Variants in LHFPL3 observed in about 807,000 individuals in gnomAD.
The protein encoded by LHFPL3 is LHFPL tetraspan subfamily member 3.
In LHFPL3, 5 loss-of-function variants were observed where a neutral mutation model predicts 19.3. The observed-to-expected ratio is 0.26, with a 90% CI of 0.14 to 0.54. The LOEUF is 0.54. Among genes scored for constraint, LHFPL3 ranks in the 20% least tolerant of loss-of-function variants. The probability of loss-of-function intolerance (pLI) is 0.94; values close to 1 mark genes in which losing one functional copy is unlikely to be tolerated. For synonymous variants in LHFPL3, 133 were observed against 126.2 expected (o/e 1.05, Z -0.36); for missense variants, 249 against 307.4 (o/e 0.81, Z 1.42).
chr7:104,647,442 GT>G (rs1325190360), intron 1 of LHFPL3, among the ~76,000 whole-genome samples: 1 of 152,192 alleles, frequency 6.6e-6, no homozygotes, highest in East Asian at 1.9e-4. Flanking sequence ...GGGAATTTGT[GT>G]TCTACAGGCA....
Position 104,537,738 on chromosome 7 carries a change from G to A in LHFPL3, c.446-198937G>A, listed in dbSNP as rs138793250. Among the ~76,000 whole-genome samples the A allele has an allele frequency of 1.6e-3, 244 of 152,336 alleles. 1 individual carries two copies. The highest frequency in any genetic ancestry group is 3.0e-3 in the Non-Finnish European group (201 of 68,026). On this transcript the variant is annotated intron_variant, in intron 1 of 2. Transcript: ENST00000424859. ...GAACTCAGTCTTACAATAGATGAAG[G>A]ATTATCATCAATGACAGTGCTTTTG...
intron 1 of LHFPL3, among the ~76,000 whole-genome samples, chr7:104,430,399 TATATACATATATATATATAC>T (rs1562895116): frequency 5.3e-5 from 2 of 37,988 alleles, no homozygotes; most frequent in African/African-American, 2.3e-4. Flanking sequence ...TATATATATA[TATATACATATATATATATAC>T]ATATATATAT....
At chr7:104,526,729 T>C (rs1487388771) in intron 1 of LHFPL3, among the ~76,000 whole-genome samples, 1 of 152,234 alleles carries the variant, frequency 6.6e-6, no homozygotes, top group Non-Finnish European at 1.5e-5. Flanking sequence ...CTTGAAATTC[T>C]AGAAATGAGT....
chr7:104,806,554 T>G (rs770831797), intron 2 of LHFPL3, among the ~76,000 whole-genome samples: 1 of 152,292 alleles, frequency 6.6e-6, no homozygotes, highest in South Asian at 2.1e-4. Flanking sequence ...CTCTTGAGGG[T>G]TGACTAAAAT....
chr7:104,866,874 G>T (rs1157661005), intron 2 of LHFPL3, among the ~76,000 whole-genome samples: 2 of 152,154 alleles, frequency 1.3e-5, no homozygotes, highest in East Asian at 3.8e-4. Context: ...ATAATAAACT[G>T]TCTCTCAGAC....
intron 1 of LHFPL3, among the ~76,000 whole-genome samples, chr7:104,645,910 T>G (rs1791925768): frequency 6.6e-6 from 1 of 152,134 alleles, no homozygotes; most frequent in Non-Finnish European, 1.5e-5. Context: ...TCTGCCCGCC[T>G]CGGCCTCCCA....
intron 2 of LHFPL3, among the ~76,000 whole-genome samples, chr7:104,865,085 C>A (rs1219511305): frequency 6.6e-6 from 1 of 152,146 alleles, no homozygotes; most frequent in Non-Finnish European, 1.5e-5. Flanking sequence ...ACATCACCAT[C>A]ATCAAAGACC....
chr7:104,504,501 A>G (rs536465169), intron 1 of LHFPL3, among the ~76,000 whole-genome samples: 5 of 152,200 alleles, frequency 3.3e-5, no homozygotes, highest in African/African-American at 9.6e-5. Context: ...AAAAATATCA[A>G]TGTTATTTTG....
At chr7:104,481,323 A>T (rs1310799636) in intron 1 of LHFPL3, among the ~76,000 whole-genome samples, 2 of 152,118 alleles carry the variant, frequency 1.3e-5, no homozygotes, top group Non-Finnish European at 2.9e-5. Flanking sequence ...TCTTCAAGTC[A>T]CTTCCTACTT....
chr7:104,635,587 T>C (rs1159174016), intron 1 of LHFPL3, among the ~76,000 whole-genome samples: 1 of 152,192 alleles, frequency 6.6e-6, no homozygotes, highest in African/African-American at 2.4e-5. Context: ...CAGATTATCA[T>C]GCAAATATGA....
chr7:104,818,864 T>G (rs73714137), intron 2 of LHFPL3, among the ~76,000 whole-genome samples: 2,256 of 152,256 alleles, frequency 0.015, 49 homozygotes, highest in African/African-American at 0.05. Context: ...GATTTAATCT[T>G]TAACTATTTG....
At chr7:104,708,459 A>T (rs1398975572) in intron 1 of LHFPL3, among the ~76,000 whole-genome samples, 1 of 152,158 alleles carries the variant, frequency 6.6e-6, no homozygotes, top group Non-Finnish European at 1.5e-5. Flanking sequence ...TCAGCTTGAG[A>T]CTATAAATCA....
Position 104,661,802 on chromosome 7 carries a change from T to C in LHFPL3, c.446-74873T>C, listed in dbSNP as rs575799390. ...CAGCATGAAATATTTTTTTCCTTATTATGTCGAGAACTTTCACCTTTTCAC... is the reference window on the plus strand; with the variant it reads ...CAGCATGAAATATTTTTTTCCTTATCATGTCGAGAACTTTCACCTTTTCAC... On this transcript the variant is annotated intron_variant, in intron 1 of 2. Coordinates refer to ENST00000424859, the MANE Select transcript of LHFPL3 (RefSeq NM_199000.3). Among the ~76,000 whole-genome samples, 3 of 152,358 alleles carry C rather than the reference T, an allele frequency of 2.0e-5. 1 individual carries two copies. Among genetic ancestry groups the C allele is most frequent in the African/African-American group, 7.2e-5 (3 of 41,588 alleles).
chr7:104,565,728 TATCTATC>T (rs1790108168), intron 1 of LHFPL3, among the ~76,000 whole-genome samples: 1 of 42,274 alleles, frequency 2.4e-5, no homozygotes, highest in Non-Finnish European at 4.7e-5. Context: ...TCTGTCTATC[TATCTATC>T]TATCTATCTA....
At chr7:104,379,591 G>A (rs186871094) in intron 1 of LHFPL3, among the ~76,000 whole-genome samples, 16 of 152,318 alleles carry the variant, frequency 1.1e-4, no homozygotes, top group Non-Finnish European at 4.4e-5. Context: ...GGAGCAGGAT[G>A]TCTGAGGAGG....
intron 1 of LHFPL3, among the ~76,000 whole-genome samples, chr7:104,516,054 T>A (rs1330609089): frequency 6.6e-6 from 1 of 152,110 alleles, no homozygotes; most frequent in Non-Finnish European, 1.5e-5. Context: ...AATAAAGACA[T>A]ACCCAAGACT....
intron 1 of LHFPL3, among the ~76,000 whole-genome samples, chr7:104,409,334 G>GTC (rs1034276636): frequency 3.3e-5 from 5 of 149,666 alleles, no homozygotes; most frequent in Non-Finnish European, 4.4e-5. Context: ...GTGTGTGTGT[G>GTC]TGTGTGTCTG....
intron 1 of LHFPL3, among the ~76,000 whole-genome samples, chr7:104,674,011 T>C (rs147656970): frequency 2.0e-5 from 3 of 149,984 alleles, no homozygotes; most frequent in Non-Finnish European, 4.5e-5. Context: ...CAACTGGACA[T>C]GTTCAGTTCT....
chr7:104,736,735 A>G lies in LHFPL3; in HGVS notation c.506A>G (p.Lys169Arg). 6.2e-7 allele frequency: 1 copy of G among 1,613,654 alleles called. No homozygotes were observed. Among genetic ancestry groups the G allele is most frequent in the South Asian group, 1.1e-5 (1 of 91,010 alleles). Residue 169 changes from lysine to arginine, a missense_variant, in exon 2 of 3, where the codon AAA becomes AGA. Coordinates refer to ENST00000424859, the MANE Select transcript of LHFPL3 (RefSeq NM_199000.3). ...FPDGWDSDEV[K>R]RMCGEKTDKY... ...GATGGCTGGGACTCAGATGAAGTAA[A>G]ACGGATGTGTGGAGAAAAGACAGAC...
Sources: gnomAD v4.1 joint callset for allele counts (sites outside exome capture counted in the v4.1 genomes callset) on GRCh38, gnomAD v4.1.1 for gene constraint, MANE v1.5 for transcripts, NCBI Gene and HGNC (gene_info 2026-07-23, HGNC 2026-07-21) for gene names.